The following MEIS2 variants were observed in gnomAD, a reference collection of about 807,000 sequenced individuals.
The protein encoded by MEIS2 is homeobox protein Meis2.
A neutral mutation model predicts 58.6 loss-of-function variants in MEIS2; 9 were observed. The observed-to-expected ratio is 0.15, with a 90% CI of 0.09 to 0.27. The LOEUF (loss-of-function observed/expected upper bound fraction) is 0.27. Ranked by LOEUF, MEIS2 falls within the 10% of genes least tolerant of loss-of-function variation. The pLI is 1.00. For synonymous variants in MEIS2, 221 were observed against 228.4 expected (o/e 0.97, Z 0.29); for missense variants, 427 against 635.0 (o/e 0.67, Z 3.52).
chr15:37,048,682 G>GA (rs926627341), intron 7 of MEIS2, among the ~76,000 whole-genome samples: 16 of 151,864 alleles, frequency 1.1e-4, no homozygotes, highest in African/African-American at 3.6e-4. Flanking sequence ...AAGTTAGTGT[G>GA]AAAAAAACCC....
At chr15:37,001,696 T>C (rs2060734554) in intron 8 of MEIS2, among the ~76,000 whole-genome samples, 2 of 152,190 alleles carry the variant, frequency 1.3e-5, no homozygotes, top group Admixed American at 1.3e-4. Flanking sequence ...CCTAAGGCCT[T>C]CAAGATTTGG....
At chr15:36,926,687 T>C (rs1380618515) in intron 9 of MEIS2, among the ~76,000 whole-genome samples, 4 of 152,178 alleles carry the variant, frequency 2.6e-5, no homozygotes, top group South Asian at 4.1e-4. Flanking sequence ...CTGATGTAAA[T>C]AAACATCCAA....
intron 9 of MEIS2, 176 bp from the exon 10 acceptor site, chr15:36,896,862 T>G (rs1388490424): frequency 1.7e-5 from 10 of 599,338 alleles, no homozygotes; most frequent in Admixed American, 2.7e-5. Flanking sequence ...GTAATCTCCG[T>G]CGTCACTGCG....
At position 36,983,093 on chromosome 15, in the gene MEIS2, A is replaced by C. The variant is rs2059981242; in HGVS notation, c.901-32693T>G. 2.0e-5 allele frequency among the ~76,000 whole-genome samples: 3 copies of C among 152,066 alleles called. No homozygotes were observed. The South Asian group carries it at 6.2e-4, about 32-fold the overall frequency. ...TGCAGATATTTTCTCCAATTCCTAT[A>C]GGCTGTATATTCACTCTGTTGATTG... On this transcript the variant is annotated intron_variant, in intron 8 of 11. Transcript: ENST00000561208.
At chr15:36,948,480 A>C (rs146512118) in intron 9 of MEIS2, among the ~76,000 whole-genome samples, 90 of 152,138 alleles carry the variant, frequency 5.9e-4, no homozygotes, top group African/African-American at 2.0e-3. Context: ...CAGTATTTTC[A>C]AAAAGAACAA....
intron 8 of MEIS2, among the ~76,000 whole-genome samples, chr15:36,992,714 C>G (rs1373426114): frequency 6.6e-6 from 1 of 151,270 alleles, no homozygotes; most frequent in Non-Finnish European, 1.5e-5. Context: ...GTAGTAGTTT[C>G]TCAGAGCAAA....
At chr15:37,062,233 T>C (rs1323350451) in intron 7 of MEIS2, among the ~76,000 whole-genome samples, 1 of 152,216 alleles carries the variant, frequency 6.6e-6, no homozygotes, top group Non-Finnish European at 1.5e-5. Flanking sequence ...TCCCTCTTAC[T>C]GATGCCCTTG....
At chr15:36,895,061 C>A (rs1276070599) in intron 11 of MEIS2, 90 bp downstream of exon 11, 2 of 1,135,904 alleles carry the variant, frequency 1.8e-6, no homozygotes, top group East Asian at 2.3e-5. Context: ...TTAAACCCAC[C>A]ATGACAGTGG....
intron 8 of MEIS2, among the ~76,000 whole-genome samples, chr15:37,016,657 T>C (rs1454581590): frequency 1.3e-5 from 2 of 152,218 alleles, no homozygotes; most frequent in Non-Finnish European, 2.9e-5. Context: ...CTATTATGCA[T>C]ATAATAGGAA....
intron 8 of MEIS2, among the ~76,000 whole-genome samples, chr15:36,967,674 C>T: frequency 6.6e-6 from 1 of 152,224 alleles, no homozygotes; most frequent in East Asian, 1.9e-4. Context: ...TCCCACTACT[C>T]TGCAACACAA....
intron 8 of MEIS2, among the ~76,000 whole-genome samples, chr15:36,992,195 A>T (rs2060320636): frequency 6.6e-6 from 1 of 151,824 alleles, no homozygotes; most frequent in South Asian, 2.1e-4. Context: ...TGCCAGATTA[A>T]CTCTGCTTGG....
At chr15:37,027,814 A>C (rs1274185061) in intron 8 of MEIS2, among the ~76,000 whole-genome samples, 2 of 152,012 alleles carry the variant, frequency 1.3e-5, no homozygotes, top group Admixed American at 1.3e-4. Context: ...CCTCAAAGCA[A>C]AACTGAGAGG....
At chr15:36,909,234 C>T (rs942059206) in intron 9 of MEIS2, among the ~76,000 whole-genome samples, 1 of 152,032 alleles carries the variant, frequency 6.6e-6, no homozygotes, top group African/African-American at 2.4e-5. Context: ...TCCTCAGTGG[C>T]ACCGAGCTAA....
chr15:37,030,658 T>A (rs2061879821), intron 8 of MEIS2, among the ~76,000 whole-genome samples: 1 of 151,500 alleles, frequency 6.6e-6, no homozygotes, highest in South Asian at 2.1e-4. Context: ...ATTATTATTA[T>A]TATTTTTTCT....
At chr15:37,020,810 AT>A (rs889333435) in intron 8 of MEIS2, among the ~76,000 whole-genome samples, 60 of 150,908 alleles carry the variant, frequency 4.0e-4, no homozygotes, top group African/African-American at 1.4e-3. Flanking sequence ...CATATCCTTG[AT>A]TTTTTTTTAA....
At position 36,890,810 on chromosome 15, in the gene MEIS2, C is replaced by T. The variant is rs2055814345; in HGVS notation, c.*1363G>A. ...TTCAAGGGGATCTTTCAACCTGGCTCATCATGTACACATAGTTTCGTACCT... is the reference window on the plus strand; with the variant it reads ...TTCAAGGGGATCTTTCAACCTGGCTTATCATGTACACATAGTTTCGTACCT... On this transcript the variant is annotated 3_prime_UTR_variant, in exon 12 of 12. Transcript: ENST00000561208. 6.6e-6 allele frequency: 1 copy of T among 152,144 alleles called. No homozygotes were observed. The highest frequency in any genetic ancestry group is 6.5e-5 in the Admixed American group (1 of 15,280). The allele number at this position is 152,144 out of a possible 1,614,324, so 9.4% of individuals were successfully genotyped here.
In MEIS2 at chr15:37,098,002, G is replaced by A; in HGVS notation, c.210C>T (p.Asn70=). ...VMPASMGSAV[N]DALKRDKDAI... Reference sequence around the variant, plus strand: ...CGTCCTTGTCCCGCTTCAAGGCGTCGTTGACAGCGGATCCCATACTGGCCG... The same window carrying A: ...CGTCCTTGTCCCGCTTCAAGGCGTCATTGACAGCGGATCCCATACTGGCCG... The change falls in exon 2 of 12, where the codon AAC becomes AAT. Residue 70 remains asparagine (N), a synonymous_variant. Transcript: ENST00000561208. 1 of 1,610,014 alleles carries A rather than the reference G, an allele frequency of 6.2e-7. No homozygotes were observed. The highest frequency in any genetic ancestry group is 1.3e-5 in the African/African-American group (1 of 74,950).
intron 7 of MEIS2, among the ~76,000 whole-genome samples, chr15:37,041,586 C>T (rs968372910): frequency 2.0e-5 from 3 of 152,134 alleles, no homozygotes; most frequent in South Asian, 2.1e-4. Context: ...GAGTGTCTAA[C>T]TGCAGGAAGC....
chr15:37,028,198 T>C (rs1195812027), intron 8 of MEIS2, among the ~76,000 whole-genome samples: 1 of 152,240 alleles, frequency 6.6e-6, no homozygotes, highest in Non-Finnish European at 1.5e-5. Context: ...GATTGTCTGA[T>C]GTAATTTGAA....
Sources: gnomAD v4.1 joint callset for allele counts (sites outside exome capture counted in the v4.1 genomes callset) on GRCh38, gnomAD v4.1.1 for gene constraint, MANE v1.5 for transcripts, NCBI Gene and HGNC (gene_info 2026-07-23, HGNC 2026-07-21) for gene names.